The following VPS13B variants were observed in gnomAD, a reference collection of about 807,000 sequenced individuals.
The protein encoded by VPS13B is intermembrane lipid transfer protein VPS13B.
Under a neutral mutation model 426.4 loss-of-function variants are expected in VPS13B, and 285 were observed. The ratio of observed to expected loss-of-function variants is 0.67; its 90% CI spans 0.61 to 0.74. The LOEUF (loss-of-function observed/expected upper bound fraction) is 0.74, where lower values mean the gene tolerates loss of function less well. Among genes scored for constraint, VPS13B ranks in the 30% least tolerant of loss-of-function variants. The probability of loss-of-function intolerance (pLI) is 0.00; values close to 1 mark genes in which losing one functional copy is unlikely to be tolerated. For synonymous variants in VPS13B, 1,676 were observed against 1,676.4 expected, an observed-to-expected ratio of 1.00 and a Z score of 0.01; for missense variants, 4,537 against 4,782.6, an observed-to-expected ratio of 0.95 and a Z score of 1.51.
chr8:99,311,424 T>C (rs1277511959), intron 19 of VPS13B, among the ~76,000 whole-genome samples: 1 of 152,228 alleles, frequency 6.6e-6, no homozygotes, highest in African/African-American at 2.4e-5. Context: ...CATTTCGTTA[T>C]ATACCCAGTA....
chr8:99,193,103 G>C (rs918664467), intron 17 of VPS13B, 46 bp downstream of exon 17: 1 of 1,582,460 alleles, frequency 6.3e-7, no homozygotes, highest in African/African-American at 1.3e-5. Flanking sequence ...ATTTGTGTTA[G>C]AGGCAACTAA....
chr8:99,529,954 A>G (rs1320636441), intron 30 of VPS13B, among the ~76,000 whole-genome samples: 1 of 152,178 alleles, frequency 6.6e-6, no homozygotes, highest in Non-Finnish European at 1.5e-5. Flanking sequence ...GTTCAAGTTA[A>G]ATATTTTGTC....
At chr8:99,781,679 AC>A (rs1240128104) in intron 42 of VPS13B, among the ~76,000 whole-genome samples, 1 of 152,158 alleles carries the variant, frequency 6.6e-6, no homozygotes, top group African/African-American at 2.4e-5. Flanking sequence ...TTTTCCTAAA[AC>A]CCTCATCATT....
intron 31 of VPS13B, among the ~76,000 whole-genome samples, chr8:99,559,158 C>G (rs990620410): frequency 6.6e-6 from 1 of 152,048 alleles, no homozygotes; most frequent in Non-Finnish European, 1.5e-5. Context: ...CTCTGATGGC[C>G]AGTGATGAGC....
chr8:99,626,657 A>C (rs1308359468), intron 33 of VPS13B, among the ~76,000 whole-genome samples: 1 of 152,240 alleles, frequency 6.6e-6, no homozygotes, highest in African/African-American at 2.4e-5. Context: ...GGATGCGGAG[A>C]AAAAGGAACT....
chr8:99,353,118 A>G (rs1811985346), intron 19 of VPS13B, among the ~76,000 whole-genome samples: 1 of 151,756 alleles, frequency 6.6e-6, no homozygotes, highest in South Asian at 2.1e-4. Context: ...AGTAGCTGGG[A>G]TTAGAGGCAT....
At chr8:99,436,209 T>A (rs1817365917) in intron 22 of VPS13B, among the ~76,000 whole-genome samples, 1 of 152,188 alleles carries the variant, frequency 6.6e-6, no homozygotes. Context: ...ACTTGCTTAT[T>A]TGTAGTATAA....
At chr8:99,279,243 TAAATAA>T (rs1819048037) in intron 19 of VPS13B, among the ~76,000 whole-genome samples, 2 of 152,182 alleles carry the variant, frequency 1.3e-5, no homozygotes, top group South Asian at 2.1e-4. Flanking sequence ...GTCTCAAAAA[TAAATAA>T]AAATAAAAAT....
rs74399831 is a variant in VPS13B at position 99,107,103 on chromosome 8, T to C, written c.580+3983T>C. ...GTTAAGCTTCAGAGATACTGACAAA[T>C]AGTTTTTTCATAATAGTAATGCCAT... On this transcript the variant is annotated intron_variant, in intron 5 of 61. Transcript: ENST00000357162. Among the ~76,000 whole-genome samples, 94 of 152,262 alleles carry C rather than the reference T, an allele frequency of 6.2e-4. 2 individuals are homozygous for C. In the East Asian group the frequency reaches 0.016, roughly 26 times the overall value.
At chr8:99,859,186 T>C in intron 56 of VPS13B, 118 bp from the exon 57 acceptor site, 1 of 1,252,082 alleles carries the variant, frequency 8.0e-7, no homozygotes, top group Non-Finnish European at 1.2e-6. Context: ...AAGAAACAGA[T>C]TACTTTCCCA....
intron 33 of VPS13B, among the ~76,000 whole-genome samples, chr8:99,631,057 T>C (rs1395763742): frequency 4.6e-5 from 7 of 152,142 alleles, no homozygotes; most frequent in Non-Finnish European, 1.5e-5. Flanking sequence ...TTAGATATGT[T>C]GTTTATGATG....
chr8:99,436,306 C>T (rs547509264), intron 22 of VPS13B, among the ~76,000 whole-genome samples: 94 of 152,158 alleles, frequency 6.2e-4, no homozygotes, highest in Non-Finnish European at 1.0e-3. Flanking sequence ...TGTTGCAGTA[C>T]CTTTTAGCTT....
At chr8:99,507,668 A>G (rs1428565745) in intron 28 of VPS13B, 8 of 1,555,476 alleles carry the variant, frequency 5.1e-6, no homozygotes, top group African/African-American at 4.1e-5. Flanking sequence ...CTAAATTTAT[A>G]CAAACTTGAG....
At chr8:99,121,716 C>A in intron 8 of VPS13B, 3 of 718,288 alleles carry the variant, frequency 4.2e-6, no homozygotes, top group South Asian at 4.2e-5. Flanking sequence ...AGTTGGTGTA[C>A]AAACATGCCT....
chr8:99,274,064 A>C (rs574706077), intron 17 of VPS13B, 134 bp from the exon 18 acceptor site: 2 of 1,278,566 alleles, frequency 1.6e-6, no homozygotes, highest in Non-Finnish European at 2.2e-6. Context: ...CTAAACTATG[A>C]AACCTAACAC....
chr8:99,348,729 A>C (rs1229746080), intron 19 of VPS13B, among the ~76,000 whole-genome samples: 1 of 152,148 alleles, frequency 6.6e-6, no homozygotes, highest in East Asian at 1.9e-4. Context: ...CACCTAACAA[A>C]TGCCTTTATT....
intron 37 of VPS13B, among the ~76,000 whole-genome samples, chr8:99,718,367 A>G (rs79223239): frequency 6.6e-6 from 1 of 152,202 alleles, no homozygotes; most frequent in Admixed American, 6.5e-5. Flanking sequence ...ATATATAAGA[A>G]CAATTTCCTA....
chr8:99,832,702 C>G, intron 52 of VPS13B, 50 bp downstream of exon 52: 1 of 1,584,748 alleles, frequency 6.3e-7, no homozygotes, highest in Non-Finnish European at 8.6e-7. Flanking sequence ...GTCAGTCTAG[C>G]TGTTCATCTA....
At chr8:99,746,976 T>C (rs1274736412) in intron 39 of VPS13B, among the ~76,000 whole-genome samples, 1 of 152,120 alleles carries the variant, frequency 6.6e-6, no homozygotes, top group Non-Finnish European at 1.5e-5. Flanking sequence ...GTCCACCAAA[T>C]AACATTTTTA....
Sources: allele counts gnomAD v4.1 joint callset (sites outside exome capture counted in the v4.1 genomes callset), GRCh38; gene constraint gnomAD v4.1.1; transcripts MANE v1.5; gene names NCBI Gene and HGNC (gene_info 2026-07-23, HGNC 2026-07-21).